PRUNE2: variants seen among roughly 807,000 people sequenced by gnomAD.
The protein encoded by PRUNE2 is prune homolog 2 with BCH domain.
A neutral mutation model predicts 252.0 loss-of-function variants in PRUNE2; 164 were observed. The ratio of observed to expected loss-of-function variants is 0.65; its 90% CI spans 0.57 to 0.74. PRUNE2 has a LOEUF of 0.74. PRUNE2 is among the 30% of genes least tolerant of loss of function. The pLI, the probability that PRUNE2 is intolerant of heterozygous loss-of-function variation, is 0.00. For synonymous variants in PRUNE2, 1,292 were observed against 1,350.2 expected, an observed-to-expected ratio of 0.96 and a Z score of 0.94; for missense variants, 3,495 against 3,711.0, an observed-to-expected ratio of 0.94 and a Z score of 1.51.
intron 6 of PRUNE2, among the ~76,000 whole-genome samples, chr9:76,770,856 T>A (rs1391964113): frequency 6.6e-6 from 1 of 152,162 alleles, no homozygotes; most frequent in African/African-American, 2.4e-5. Flanking sequence ...TACCTCAACT[T>A]TGATAATATC....
rs529731917 is a variant in PRUNE2, at chr9:76,766,617, C to T, written c.757-52896G>A. On this transcript the variant is annotated intron_variant, in intron 6 of 18. Coordinates refer to ENST00000376718, the MANE Select transcript of PRUNE2 (RefSeq NM_015225.3). ...CTTTCCTTCCATGTTTTGGTCCTTA[C>T]ATACCTCCCTCGTTTCATCCTGCGC... Among the ~76,000 whole-genome samples the T allele has an allele frequency of 9.9e-5, 15 of 152,284 alleles. 1 individual carries two copies. In the South Asian group the frequency reaches 3.1e-3, roughly 32 times the overall value.
chr9:76,892,833 T>G lies in PRUNE2; in HGVS notation c.36+13095A>C, dbSNP rs73462365. Among the ~76,000 whole-genome samples, 378 of 152,340 alleles carry G rather than the reference T, an allele frequency of 2.5e-3. 2 individuals are homozygous for G. Among genetic ancestry groups the G allele is most frequent in the African/African-American group, 8.6e-3 (356 of 41,572 alleles). Reference sequence around the variant, plus strand: ...CCTCTATTTGCCAAATATACCTTATTGCTTGTTTATTATTTTACAAAGAAA... The same window carrying G: ...CCTCTATTTGCCAAATATACCTTATGGCTTGTTTATTATTTTACAAAGAAA... On this transcript the variant is annotated intron_variant, in intron 1 of 18. Transcript: ENST00000376718.
At chr9:76,901,883 G>A (rs2063195330) in intron 1 of PRUNE2, among the ~76,000 whole-genome samples, 1 of 152,192 alleles carries the variant, frequency 6.6e-6, no homozygotes, top group Non-Finnish European at 1.5e-5. Context: ...GTTGAAAACA[G>A]CATTCCTGGG....
At chr9:76,850,392 G>A in intron 3 of PRUNE2, 71 bp downstream of exon 3, 1 of 1,241,132 alleles carries the variant, frequency 8.1e-7, no homozygotes, top group Non-Finnish European at 1.2e-6. Context: ...AAAGTCCTGA[G>A]TAAAGTGACA....
At chr9:76,893,171 C>T (rs965429347) in intron 1 of PRUNE2, among the ~76,000 whole-genome samples, 2 of 152,160 alleles carry the variant, frequency 1.3e-5, no homozygotes, top group African/African-American at 4.8e-5. Flanking sequence ...CTTGAGCCTA[C>T]AAGTTCAAGG....
At chr9:76,877,917 C>T (rs1289862037) in intron 1 of PRUNE2, among the ~76,000 whole-genome samples, 1 of 152,144 alleles carries the variant, frequency 6.6e-6, no homozygotes. Context: ...TACACCATGA[C>T]CCTAAGCGGT....
chr9:76,759,972 G>A (rs1490602430), intron 6 of PRUNE2: 2 of 152,322 alleles, frequency 1.3e-5, no homozygotes, highest in African/African-American at 4.8e-5. Flanking sequence ...CCACACCCCT[G>A]TCACACGTCC....
chr9:76,617,443 G>T (rs1292542415), intron 18 of PRUNE2, among the ~76,000 whole-genome samples: 1 of 151,888 alleles, frequency 6.6e-6, no homozygotes, highest in African/African-American at 2.4e-5. Flanking sequence ...CAGTGTAAAG[G>T]TGCCAGAAGA....
At chr9:76,633,780 T>C (rs1838772265) in intron 15 of PRUNE2, among the ~76,000 whole-genome samples, 1 of 152,020 alleles carries the variant, frequency 6.6e-6, no homozygotes. Flanking sequence ...TTGACCTCCC[T>C]GAACCTCAGC....
chr9:76,614,701 A>T, intron 18 of PRUNE2, 101 bp from the exon 19 acceptor site: 1 of 839,834 alleles, frequency 1.2e-6, no homozygotes, highest in Non-Finnish European at 1.9e-6. Flanking sequence ...CTCAAAGGAC[A>T]TACTGAAAAT....
chr9:76,765,552 G>C (rs1271950011), intron 6 of PRUNE2, among the ~76,000 whole-genome samples: 1 of 152,128 alleles, frequency 6.6e-6, no homozygotes, highest in Non-Finnish European at 1.5e-5. Context: ...TGTCTGATGG[G>C]GAGGTGGCTC....
At chr9:76,861,341 C>T (rs1293524082) in intron 1 of PRUNE2, among the ~76,000 whole-genome samples, 1 of 152,238 alleles carries the variant, frequency 6.6e-6, no homozygotes, top group Middle Eastern at 3.2e-3. Context: ...ACACCATTCT[C>T]TCCCTCCGGG....
intron 11 of PRUNE2, among the ~76,000 whole-genome samples, chr9:76,648,800 C>T (rs1298748203): frequency 6.6e-6 from 1 of 152,238 alleles, no homozygotes; most frequent in Non-Finnish European, 1.5e-5. Context: ...TACTACAAGC[C>T]AAGACTCCTA....
Position 76,841,897 on chromosome 9 carries a change from T to C in PRUNE2, c.508+4618A>G, listed in dbSNP as rs530706914. ...TTCAGCAGATTTAAACGTTCCTGCC[T>C]GCTGGCTCTATCCCCATTGAATCTG... On this transcript the variant is annotated intron_variant, in intron 4 of 18. Coordinates refer to ENST00000376718, the MANE Select transcript of PRUNE2 (RefSeq NM_015225.3). Among the ~76,000 whole-genome samples, 707 of 152,312 alleles carry C rather than the reference T, an allele frequency of 4.6e-3. 3 individuals are homozygous for C. Among genetic ancestry groups the C allele is most frequent in the Non-Finnish European group, 6.9e-3 (472 of 68,024 alleles).
chr9:76,789,475 G>A (rs2055344481), intron 6 of PRUNE2, among the ~76,000 whole-genome samples: 1 of 152,158 alleles, frequency 6.6e-6, no homozygotes, highest in Admixed American at 6.5e-5. Context: ...AATAAAAGCT[G>A]TTACTCTAGG....
intron 1 of PRUNE2, among the ~76,000 whole-genome samples, chr9:76,859,429 C>T (rs1031535232): frequency 2.0e-5 from 3 of 152,088 alleles, no homozygotes. Flanking sequence ...TTCCTGGGCC[C>T]TCCTATAAGC....
At chr9:76,837,644 T>G (rs912126618) in intron 4 of PRUNE2, among the ~76,000 whole-genome samples, 1 of 151,750 alleles carries the variant, frequency 6.6e-6, no homozygotes, top group Non-Finnish European at 1.5e-5. Flanking sequence ...AATTTAGACT[T>G]AGTTGTATCT....
intron 9 of PRUNE2, among the ~76,000 whole-genome samples, chr9:76,658,865 T>C (rs770099499): frequency 2.6e-5 from 4 of 152,382 alleles, no homozygotes; most frequent in South Asian, 4.1e-4. Context: ...TTATGACATA[T>C]TGATCTTCAC....
chr9:76,723,034 C>T (rs188192071), intron 6 of PRUNE2, among the ~76,000 whole-genome samples: 6 of 152,284 alleles, frequency 3.9e-5, no homozygotes, highest in South Asian at 2.1e-4. Context: ...AACAATAATG[C>T]GCTGCTTACG....
Sources: gnomAD v4.1 joint callset for allele counts (sites outside exome capture counted in the v4.1 genomes callset) on GRCh38, gnomAD v4.1.1 for gene constraint, MANE v1.5 for transcripts, NCBI Gene and HGNC (gene_info 2026-07-23, HGNC 2026-07-21) for gene names.